Variants in CNOT4 observed in about 807,000 individuals in gnomAD.
The protein encoded by CNOT4 is CCR4-associated factor 4.
In CNOT4, 8 loss-of-function variants were observed where a neutral mutation model predicts 73.8. That is an observed-to-expected ratio of 0.11 (90% CI 0.06 to 0.20). The LOEUF is 0.20. Among genes scored for constraint, CNOT4 ranks in the 10% least tolerant of loss-of-function variants. The pLI is 1.00. For missense variants in CNOT4, 564 were observed against 883.4 expected (o/e 0.64, Z 4.58); for synonymous variants, 293 against 321.1 (o/e 0.91, Z 0.94).
chr7:135,461,051 A>T (rs1800844739), intron 1 of CNOT4, among the ~76,000 whole-genome samples: 1 of 152,192 alleles, frequency 6.6e-6, no homozygotes, highest in Non-Finnish European at 1.5e-5. Flanking sequence ...CATGAATAGG[A>T]TGGGGCCTGC....
At chr7:135,469,364 T>C (rs559917101) in intron 1 of CNOT4, among the ~76,000 whole-genome samples, 1 of 152,350 alleles carries the variant, frequency 6.6e-6, no homozygotes, top group South Asian at 2.1e-4. Context: ...TTCTCATTTA[T>C]GTGAAACAAA....
chr7:135,444,930 T>G, intron 1 of CNOT4: 3 of 1,586,012 alleles, frequency 1.9e-6, no homozygotes, highest in Non-Finnish European at 2.6e-6. Flanking sequence ...GTGGAAGCTC[T>G]GACCTTTTTG....
At chr7:135,491,834 T>C (rs1803131480) in intron 1 of CNOT4, among the ~76,000 whole-genome samples, 1 of 152,206 alleles carries the variant, frequency 6.6e-6, no homozygotes, top group Non-Finnish European at 1.5e-5. Context: ...AGAGTAAATC[T>C]ATAGGAGTTA....
At chr7:135,392,492 C>A (rs1369485083) in intron 10 of CNOT4, among the ~76,000 whole-genome samples, 1 of 151,924 alleles carries the variant, frequency 6.6e-6, no homozygotes, top group Non-Finnish European at 1.5e-5. Context: ...ATGATTAAAG[C>A]AAAGTAAAAT....
At chr7:135,466,118 T>TTG (rs35898566) in intron 1 of CNOT4, among the ~76,000 whole-genome samples, 94,857 of 151,714 alleles carry the variant, frequency 0.63, 29,839 homozygotes, top group East Asian at 0.76. Flanking sequence ...GAAGAAAAAT[T>TTG]TGTAAATATG....
At chr7:135,502,640 C>A (rs1804058449) in intron 1 of CNOT4, among the ~76,000 whole-genome samples, 1 of 151,236 alleles carries the variant, frequency 6.6e-6, no homozygotes, top group Admixed American at 6.6e-5. Context: ...CATGGTGAAA[C>A]CCTGTCTCTA....
At chr7:135,405,163 G>C (rs1797210521) in intron 7 of CNOT4, among the ~76,000 whole-genome samples, 2 of 152,090 alleles carry the variant, frequency 1.3e-5, no homozygotes, top group South Asian at 4.1e-4. Flanking sequence ...AACTCTCTGA[G>C]ACTTAAGTTT....
At chr7:135,488,763 C>T (rs2551759) in intron 1 of CNOT4, among the ~76,000 whole-genome samples, 150,765 of 152,258 alleles carry the variant, frequency 0.99, 74,646 homozygotes, top group East Asian at 1. Context: ...TAGAATGTAT[C>T]ATTATTAATA....
chr7:135,387,652 G>T, intron 10 of CNOT4: 5 of 984,522 alleles, frequency 5.1e-6, no homozygotes, highest in Non-Finnish European at 6.0e-6. Context: ...CTTCATGTAG[G>T]CAGAATATGG....
chr7:135,393,149 G>C (rs1188230629), intron 10 of CNOT4, among the ~76,000 whole-genome samples: 1 of 151,948 alleles, frequency 6.6e-6, no homozygotes, highest in Non-Finnish European at 1.5e-5. Context: ...TAATTCCCTT[G>C]GATATAGAAG....
chr7:135,405,321 A>G (rs910821724), intron 7 of CNOT4, among the ~76,000 whole-genome samples: 3 of 152,146 alleles, frequency 2.0e-5, no homozygotes, highest in African/African-American at 7.2e-5. Flanking sequence ...GGCTTGTTTC[A>G]GCCACAATAT....
chr7:135,441,781 T>C (rs949411983), intron 1 of CNOT4, among the ~76,000 whole-genome samples: 7 of 152,228 alleles, frequency 4.6e-5, no homozygotes, highest in African/African-American at 1.7e-4. Context: ...TGCTTTTTGA[T>C]TGTTTCTGTT....
At chr7:135,432,702 C>A (rs1475259879) in intron 2 of CNOT4, among the ~76,000 whole-genome samples, 4 of 152,110 alleles carry the variant, frequency 2.6e-5, no homozygotes, top group Non-Finnish European at 5.9e-5. Context: ...TGGGGCACAT[C>A]CTCCAATAGA....
At chr7:135,508,308 T>C (rs534091246) in intron 1 of CNOT4, among the ~76,000 whole-genome samples, 166 of 152,342 alleles carry the variant, frequency 1.1e-3, no homozygotes, top group Middle Eastern at 3.4e-3. Flanking sequence ...CATTAGTCAG[T>C]ACATCTTAAT....
intron 7 of CNOT4, among the ~76,000 whole-genome samples, chr7:135,398,965 AT>A (rs1796856447): frequency 6.6e-6 from 1 of 152,090 alleles, no homozygotes. Flanking sequence ...CAAAAGAAAC[AT>A]TTTTGGGCAA....
In CNOT4 at chr7:135,394,150, G is replaced by C; in HGVS notation, c.1395C>G (p.Leu465=). 1 of 1,614,216 alleles carries C rather than the reference G, an allele frequency of 6.2e-7. No individual in the cohort carries two copies. The highest frequency in any genetic ancestry group is 8.5e-7 in the Non-Finnish European group (1 of 1,180,022). Residue 465 remains leucine, a synonymous_variant, in exon 10 of 12, where the codon CTC becomes CTG. Coordinates refer to ENST00000541284, the MANE Select transcript of CNOT4 (RefSeq NM_001190850.2). The part of the protein sequence containing the change: ...HPAAATNANS[L]NSTFSVLPQR... ...GGGGCAAGACTGAAAAGGTACTATT[G>C]AGAGAATTGGCATTTGTAGCTGCAG...
At chr7:135,478,081 A>C (rs999491465) in intron 1 of CNOT4, among the ~76,000 whole-genome samples, 16 of 152,290 alleles carry the variant, frequency 1.1e-4, no homozygotes, top group African/African-American at 3.6e-4. Context: ...TACTATACTA[A>C]TTAACATATT....
intron 10 of CNOT4, among the ~76,000 whole-genome samples, chr7:135,381,810 G>T (rs1795861676): frequency 6.6e-6 from 1 of 152,190 alleles, no homozygotes; most frequent in Non-Finnish European, 1.5e-5. Context: ...AGAAAGAAAG[G>T]TAATGGATGC....
At chr7:135,374,286 A>C (rs141286053) in intron 10 of CNOT4, among the ~76,000 whole-genome samples, 1 of 152,342 alleles carries the variant, frequency 6.6e-6, no homozygotes, top group East Asian at 1.9e-4. Context: ...TTTCATAAAG[A>C]ACAAATTCTA....
Sources: allele counts gnomAD v4.1 joint callset (sites outside exome capture counted in the v4.1 genomes callset), GRCh38; gene constraint gnomAD v4.1.1; transcripts MANE v1.5; gene names NCBI Gene and HGNC (gene_info 2026-07-23, HGNC 2026-07-21).